The following GSAP variants were observed in gnomAD, a reference collection of about 807,000 sequenced individuals.
GSAP encodes gamma-secretase activating protein, also known as gamma-secretase-activating protein.
In GSAP, 118 loss-of-function variants were observed where a neutral mutation model predicts 131.7. That is an observed-to-expected ratio of 0.90 (90% confidence interval 0.77 to 1.04). The LOEUF is 1.04. GSAP is among the 50% of genes least tolerant of loss of function. GSAP has a pLI of 0.00. For synonymous variants in GSAP, 381 were observed against 363.4 expected, an observed-to-expected ratio of 1.05 and a Z score of -0.55; for missense variants, 1,019 against 1,013.2, an observed-to-expected ratio of 1.01 and a Z score of -0.08.
intron 3 of GSAP, among the ~76,000 whole-genome samples, chr7:77,402,185 T>C (rs1323710948): frequency 1.3e-5 from 2 of 149,096 alleles, no homozygotes; most frequent in Non-Finnish European, 3.0e-5. Context: ...AAGAGAAAGA[T>C]TTTTTTTTTC....
intron 5 of GSAP, among the ~76,000 whole-genome samples, 194 bp from the exon 6 acceptor site, chr7:77,387,642 A>T (rs1026559061): frequency 2.6e-5 from 4 of 152,148 alleles, no homozygotes; most frequent in Admixed American, 6.5e-5. Context: ...ACTCTCTAGG[A>T]TGTGTAGCGG....
chr7:77,354,710 CTT>C (rs953255620), intron 16 of GSAP, among the ~76,000 whole-genome samples: 17 of 148,612 alleles, frequency 1.1e-4, no homozygotes, highest in African/African-American at 4.2e-4. Flanking sequence ...ACCAGCCACT[CTT>C]TGATCTTAAC....
intron 1 of GSAP, among the ~76,000 whole-genome samples, chr7:77,407,691 T>C (rs924946349): frequency 3.3e-5 from 5 of 152,326 alleles, no homozygotes; most frequent in East Asian, 1.9e-4. Flanking sequence ...ACATTGTTAA[T>C]GGGAGTATAA....
chr7:77,316,011 A>G (rs1562884789), intron 26 of GSAP: 2 of 152,238 alleles, frequency 1.3e-5, no homozygotes, highest in Admixed American at 1.3e-4. Context: ...ACAGAGGTTG[A>G]ATGCTGAATG....
At chr7:77,351,116 C>T in intron 18 of GSAP, 5 of 976,714 alleles carry the variant, frequency 5.1e-6, no homozygotes, top group Non-Finnish European at 6.1e-6. Flanking sequence ...ATCATGGGGA[C>T]AGAGAAATAA....
chr7:77,354,478 G>A (rs1793360693), intron 16 of GSAP, among the ~76,000 whole-genome samples: 1 of 152,100 alleles, frequency 6.6e-6, no homozygotes, highest in African/African-American at 2.4e-5. Context: ...CTTTGTAAGG[G>A]TCTTTAAATT....
chr7:77,360,811 C>T lies in GSAP; in HGVS notation c.1027+13G>A. 7.0e-7 allele frequency: 1 copy of T among 1,431,902 alleles called. No homozygotes were observed. The highest frequency in any genetic ancestry group is 9.9e-7 in the Non-Finnish European group (1 of 1,015,118). 88.7% of individuals were successfully genotyped at this position (1,431,902 alleles called of 1,614,324 possible). A position where few individuals can be genotyped will look rare whatever the true frequency, so the allele number is the denominator to read the frequency against. On this transcript the variant is annotated intron_variant, in intron 14 of 30. Coordinates refer to ENST00000257626, the MANE Select transcript of GSAP (RefSeq NM_017439.4). ...GTGTTCAGAGCAGGGGGTGTGATCT[C>T]TCCATCACTCACCAAGGTTGAGAAA...
intron 14 of GSAP, among the ~76,000 whole-genome samples, chr7:77,357,189 GC>G (rs1232954509): frequency 6.6e-6 from 1 of 152,144 alleles, no homozygotes; most frequent in Non-Finnish European, 1.5e-5. Flanking sequence ...TTCCTATTTG[GC>G]ATTTGGTGAG....
intron 6 of GSAP, among the ~76,000 whole-genome samples, chr7:77,384,209 T>C (rs967869257): frequency 6.6e-6 from 1 of 152,344 alleles, no homozygotes; most frequent in South Asian, 2.1e-4. Flanking sequence ...TGGTATGGCC[T>C]CCCGGTCTAC....
chr7:77,370,680 T>C (rs993222185), intron 12 of GSAP, among the ~76,000 whole-genome samples: 4 of 152,176 alleles, frequency 2.6e-5, no homozygotes, highest in African/African-American at 9.7e-5. Flanking sequence ...CTAAATCCTA[T>C]TTCCCTTTCC....
chr7:77,376,794 AAG>A lies in GSAP; in HGVS notation c.741+52_741+53del, dbSNP rs1269499005. ...CCATCTCAAAAAAAAAAAAAAAAAAAAGAGAGTAATGTATCATAAACTTTCCT... is the reference window on the plus strand; with the variant it reads ...CCATCTCAAAAAAAAAAAAAAAAAAAAGAGTAATGTATCATAAACTTTCCT... On this transcript the variant is annotated intron_variant, in intron 10 of 30. Transcript: ENST00000257626. The A allele has an allele frequency of 2.1e-4, 144 of 684,568 alleles. 1 individual carries two copies. In the East Asian group the frequency reaches 3.5e-3, roughly 17 times the overall value. The allele number at this position is 684,568 out of a possible 1,614,324, so 42.4% of individuals were successfully genotyped here. A position where few individuals can be genotyped will look rare whatever the true frequency, so the allele number is the denominator to read the frequency against.
intron 13 of GSAP, 25 bp downstream of exon 13, chr7:77,362,558 G>A (rs763090588): frequency 1.5e-5 from 18 of 1,235,814 alleles, no homozygotes; most frequent in Non-Finnish European, 2.1e-5. Context: ...TTATGTAAAA[G>A]TAACAAAGAA....
In GSAP at chr7:77,311,832, G is replaced by A; in HGVS notation, c.2473+9C>T. The stretch of plus-strand genomic sequence containing the variant: ...GTGGTAAGACCCTGAGAACAGGGGA[G>A]TAAATTACCTTGATTGGAGGACTCT... On this transcript the variant is annotated intron_variant, in intron 30 of 30. Transcript: ENST00000257626. 1 of 1,327,900 alleles carries A rather than the reference G, an allele frequency of 7.5e-7. No homozygotes were observed. The highest frequency in any genetic ancestry group is 2.3e-5 in the East Asian group (1 of 43,514). The allele number at this position is 1,327,900 out of a possible 1,614,324, so 82.3% of individuals were successfully genotyped here.
In GSAP at chr7:77,387,405, G is replaced by A. The variant is rs779350242; in HGVS notation, c.411C>T (p.Asn137=). Residue 137 remains asparagine, a synonymous_variant, in exon 6 of 31, where the codon AAC becomes AAT. Coordinates refer to ENST00000257626, the MANE Select transcript of GSAP (RefSeq NM_017439.4). ...LTLLVEIHPV[N]NVKVLKAVDS... is the part of the protein sequence containing the mutation. ...CCACAGCCTTTAGAACCTTCACATT[G>A]TTAACAGGGTGGATTTCAACCAACA... is the stretch of plus-strand genomic sequence containing the variant. 6.2e-7 allele frequency: 1 copy of A among 1,605,588 alleles called. No individual in the cohort carries two copies. The highest frequency in any genetic ancestry group is 8.5e-7 in the Non-Finnish European group (1 of 1,172,372).
intron 12 of GSAP, among the ~76,000 whole-genome samples, chr7:77,367,083 A>C (rs1374895053): frequency 4.6e-5 from 7 of 152,208 alleles, no homozygotes; most frequent in Admixed American, 4.6e-4. Flanking sequence ...TTGTATCCTG[A>C]AAGTTTGCTG....
chr7:77,325,631 C>T (rs748698187), intron 23 of GSAP, among the ~76,000 whole-genome samples: 1 of 152,108 alleles, frequency 6.6e-6, no homozygotes, highest in Non-Finnish European at 1.5e-5. Flanking sequence ...AGGGCAGTGG[C>T]GCAATCTTGG....
intron 1 of GSAP, among the ~76,000 whole-genome samples, chr7:77,407,160 C>A (rs73362776): frequency 0.034 from 5,128 of 152,204 alleles, 292 homozygotes; most frequent in African/African-American, 0.12. Context: ...ATAGTTGGGT[C>A]TGAAAAATTA....
chr7:77,345,116 A>G (rs1791597995), intron 19 of GSAP, among the ~76,000 whole-genome samples: 1 of 152,182 alleles, frequency 6.6e-6, no homozygotes, highest in South Asian at 2.1e-4. Context: ...GGTCCTCCCA[A>G]TTATTAGTCC....
At chr7:77,355,786 CGT>C (rs1793604461) in intron 14 of GSAP, 139 bp from the exon 15 acceptor site, 9 of 305,326 alleles carry the variant, frequency 2.9e-5, no homozygotes, top group South Asian at 1.0e-4. Context: ...AATGACAGCC[CGT>C]TTTTTTTTTT....
Sources: gnomAD v4.1 joint callset for allele counts (sites outside exome capture counted in the v4.1 genomes callset) on GRCh38, gnomAD v4.1.1 for gene constraint, MANE v1.5 for transcripts, NCBI Gene and HGNC (gene_info 2026-07-23, HGNC 2026-07-21) for gene names.